Variants in TRANK1 observed in about 807,000 individuals in gnomAD.
The protein encoded by TRANK1 is TPR and ankyrin repeat-containing protein 1.
TRANK1 carries 198 observed loss-of-function variants against 266.0 expected under a neutral mutation model. That is an observed-to-expected ratio of 0.74 (90% CI 0.66 to 0.84). TRANK1 has a LOEUF of 0.84. Among genes scored for constraint, TRANK1 ranks in the 40% least tolerant of loss-of-function variants. The probability of loss-of-function intolerance (pLI) is 0.00; values close to 1 mark genes in which losing one functional copy is unlikely to be tolerated. For synonymous variants in TRANK1, 1,396 were observed against 1,384.1 expected (o/e 1.01, Z -0.19); for missense variants, 3,326 against 3,634.6 (o/e 0.92, Z 2.18).
chr3:36,855,102 T>G, intron 13 of TRANK1, 71 bp downstream of exon 13: 2 of 1,378,778 alleles, frequency 1.5e-6, no homozygotes, highest in Admixed American at 4.4e-5. Context: ...AGAGCTAGTC[T>G]GCAGCTTCAA....
In TRANK1 at chr3:36,856,553, G is replaced by A. The variant is rs374876873; in HGVS notation, c.3169C>T (p.Leu1057Phe). 1.4e-5 allele frequency: 22 copies of A among 1,613,986 alleles called. No homozygotes were observed. Among genetic ancestry groups the A allele is most frequent in the Non-Finnish European group, 1.9e-5 (22 of 1,179,872 alleles). The change falls in exon 13 of 24, where the codon CTT becomes TTT. Residue 1057 changes from leucine (L) to phenylalanine (F), a missense_variant. Leu to Phe is a conservative substitution (Grantham distance 22, BLOSUM62 0). Coordinates refer to ENST00000645898, the MANE Select transcript of TRANK1 (RefSeq NM_001329998.2). ...TTGAGGTCGATCACCGCGTACTCAA[G>A]CTCACCCACCCGGAAGGGGTACTCC... ...TVEYPFRVGELEYAVIDLNPR... is the reference protein window; with the variant it reads ...TVEYPFRVGEFEYAVIDLNPR...
intron 10 of TRANK1, 98 bp downstream of exon 10, chr3:36,864,221 T>C: frequency 1.5e-6 from 2 of 1,298,246 alleles, no homozygotes; most frequent in East Asian, 5.2e-5. Context: ...GATACATTAT[T>C]TTTATTTTTT....
chr3:36,916,773 G>T (rs17035767), intron 1 of TRANK1, among the ~76,000 whole-genome samples: 5 of 151,502 alleles, frequency 3.3e-5, no homozygotes, highest in Admixed American at 2.0e-4. Flanking sequence ...AGGGGCTTTG[G>T]TTTCAAATAT....
chr3:36,905,943 T>G (rs1173006535), intron 2 of TRANK1, among the ~76,000 whole-genome samples: 1 of 152,096 alleles, frequency 6.6e-6, no homozygotes, highest in African/African-American at 2.4e-5. Flanking sequence ...GGGAACAGTG[T>G]CAGGAAGGTC....
intron 21 of TRANK1, 32 bp from the exon 22 acceptor site, chr3:36,833,951 G>C: frequency 6.4e-7 from 1 of 1,555,788 alleles, no homozygotes; most frequent in East Asian, 2.2e-5. Flanking sequence ...ATGTCAACTT[G>C]CCATCACCCA....
intron 1 of TRANK1, among the ~76,000 whole-genome samples, chr3:36,913,623 G>A (rs2080084866): frequency 6.6e-6 from 1 of 152,110 alleles, no homozygotes; most frequent in Admixed American, 6.6e-5. Context: ...GGACTTCAAT[G>A]TGTTTTGTTT....
chr3:36,882,822 A>G (rs1226012086), intron 8 of TRANK1, among the ~76,000 whole-genome samples: 1 of 152,250 alleles, frequency 6.6e-6, no homozygotes, highest in Non-Finnish European at 1.5e-5. Flanking sequence ...GGAAAGAGAC[A>G]TGAACATATA....
At chr3:36,839,874 A>G (rs1042063918) in intron 18 of TRANK1, among the ~76,000 whole-genome samples, 1 of 152,246 alleles carries the variant, frequency 6.6e-6, no homozygotes, top group Non-Finnish European at 1.5e-5. Context: ...TTTTTGTTGA[A>G]TGAATGAATC....
intron 9 of TRANK1, among the ~76,000 whole-genome samples, chr3:36,869,801 G>T (rs891780326): frequency 1.3e-5 from 2 of 152,212 alleles, no homozygotes; most frequent in East Asian, 3.8e-4. Context: ...TTCTTCAGAT[G>T]CATGAGCCAC....
chr3:36,928,950 C>A (rs1024290643), intron 1 of TRANK1, among the ~76,000 whole-genome samples: 7 of 151,948 alleles, frequency 4.6e-5, no homozygotes, highest in Non-Finnish European at 2.9e-5. Context: ...ATTAATGAAG[C>A]AGCTGTCAAG....
intron 22 of TRANK1, 59 bp from the exon 23 acceptor site, chr3:36,829,721 C>T (rs1575171334): frequency 6.5e-7 from 1 of 1,547,572 alleles, no homozygotes; most frequent in Non-Finnish European, 8.9e-7. Context: ...ACTAGAACAC[C>T]AATTACTAGA....
At chr3:36,855,048 A>C in intron 13 of TRANK1, 125 bp downstream of exon 13, 1 of 878,954 alleles carries the variant, frequency 1.1e-6, no homozygotes, top group Non-Finnish European at 1.7e-6. Flanking sequence ...ATTTACTAAC[A>C]AATTCCAAAA....
intron 1 of TRANK1, among the ~76,000 whole-genome samples, chr3:36,923,072 G>C (rs2080238321): frequency 1.3e-5 from 2 of 152,090 alleles, no homozygotes; most frequent in Admixed American, 1.3e-4. Flanking sequence ...TGCAACCTTA[G>C]TGTTTTATCA....
chr3:36,849,018 T>G (rs1180749245), intron 15 of TRANK1, among the ~76,000 whole-genome samples: 1 of 152,172 alleles, frequency 6.6e-6, no homozygotes, highest in Non-Finnish European at 1.5e-5. Context: ...AGTGCGCTTA[T>G]GTACTTGTAG....
At chr3:36,943,303 T>C (rs1021679155) in intron 1 of TRANK1, among the ~76,000 whole-genome samples, 1 of 152,160 alleles carries the variant, frequency 6.6e-6, no homozygotes, top group Non-Finnish European at 1.5e-5. Flanking sequence ...TATGTGTGTG[T>C]GCGTATATAT....
Position 36,943,492 on chromosome 3 carries a change from C to T in TRANK1, c.23+1295G>A, listed in dbSNP as rs557089448. On this transcript the variant is annotated intron_variant, in intron 1 of 23. Transcript: ENST00000645898. ...CCCACCTCTACCCACCCCCCCACCC[C>T]CCGCAGAGGATGCAAAAGCCAACAA... is the stretch of plus-strand genomic sequence containing the variant. 5.6e-5 allele frequency among the ~76,000 whole-genome samples: 8 copies of T among 142,400 alleles called. No individual in the cohort carries two copies. In the South Asian group the frequency reaches 2.0e-3, roughly 35 times the overall value. The allele number at this position is 142,400 out of a possible 152,430, so 93.4% of individuals were successfully genotyped here. A position where few individuals can be genotyped will look rare whatever the true frequency, so the allele number is the denominator to read the frequency against.
chr3:36,918,334 A>G (rs1417208391), intron 1 of TRANK1, among the ~76,000 whole-genome samples: 1 of 151,908 alleles, frequency 6.6e-6, no homozygotes, highest in Non-Finnish European at 1.5e-5. Context: ...CGTTTGTACA[A>G]TATGAATGTG....
chr3:36,856,023 C>G lies in TRANK1; in HGVS notation c.3699G>C (p.Gln1233His). Residue 1233 changes from glutamine (Q) to histidine (H), a missense_variant, in exon 13 of 24, where the codon CAG becomes CAC. Transcript: ENST00000645898. ...KPLDPNIHKLQDLRDENFPLF... is the reference protein window; with the variant it reads ...KPLDPNIHKLHDLRDENFPLF... Reference sequence around the variant, plus strand: ...GAGGAAAGTTCTCGTCCCTCAGGTCCTGGAGTTTGTGAATGTTGGGGTCCA... The same window carrying G: ...GAGGAAAGTTCTCGTCCCTCAGGTCGTGGAGTTTGTGAATGTTGGGGTCCA... 6.2e-7 allele frequency: 1 copy of G among 1,613,720 alleles called. No individual in the cohort carries two copies. The highest frequency in any genetic ancestry group is 8.5e-7 in the Non-Finnish European group (1 of 1,179,872).
Position 36,855,612 on chromosome 3 carries a change from T to C in TRANK1, c.4110A>G (p.Glu1370=), listed in dbSNP as rs2079040894. The C allele has an allele frequency of 6.2e-7, 1 of 1,613,948 alleles. No individual in the cohort carries two copies. The highest frequency in any genetic ancestry group is 8.5e-7 in the Non-Finnish European group (1 of 1,179,876). The part of the protein sequence containing the change: ...ALSCPHGRLT[E]EVYKKLGRKR... ...TCCTCCCTAATTTCTTATATACTTC[T>C]TCAGTGAGTCTCCCATGGGGACAGC... is the stretch of plus-strand genomic sequence containing the variant. The change falls in exon 13 of 24, where the codon GAA becomes GAG. Residue 1370 remains glutamate, a synonymous_variant. Coordinates refer to ENST00000645898, the MANE Select transcript of TRANK1 (RefSeq NM_001329998.2).
Sources: gnomAD v4.1 joint callset for allele counts (sites outside exome capture counted in the v4.1 genomes callset) on GRCh38, gnomAD v4.1.1 for gene constraint, MANE v1.5 for transcripts, NCBI Gene and HGNC (gene_info 2026-07-23, HGNC 2026-07-21) for gene names.